Variants in RUVBL2 observed in about 807,000 individuals in gnomAD.
The protein encoded by RUVBL2 is ruvB-like 2.
A neutral mutation model predicts 57.9 loss-of-function variants in RUVBL2; 9 were observed. The observed-to-expected ratio is 0.16, with a 90% CI of 0.09 to 0.27. The LOEUF (loss-of-function observed/expected upper bound fraction) is 0.27. Among genes scored for constraint, RUVBL2 ranks in the 10% least tolerant of loss-of-function variants. The pLI is 1.00. For synonymous variants in RUVBL2, 278 were observed against 264.6 expected, an observed-to-expected ratio of 1.05 and a Z score of -0.49; for missense variants, 456 against 669.6, an observed-to-expected ratio of 0.68 and a Z score of 3.52.
At chr19:49,004,236 GC>G (rs758399086) in intron 3 of RUVBL2, 40 bp from the exon 4 acceptor site, 2 of 1,602,946 alleles carry the variant, frequency 1.2e-6, no homozygotes, top group Non-Finnish European at 1.7e-6. Flanking sequence ...TGCCATGGTA[GC>G]CCCACAGGAA....
Position 48,999,382 on chromosome 19 carries a change from G to A in RUVBL2, c.67+9G>A, listed in dbSNP as rs1014288891. 6.2e-7 allele frequency: 1 copy of A among 1,614,222 alleles called. No individual in the cohort carries two copies. The highest frequency in any genetic ancestry group is 1.6e-4 in the Middle Eastern group (1 of 6,062). ...AAGGATTGAGCGAATCGGTGAGTGA[G>A]TTGGGTCAGGAATAGGACCTAAGCC... On this transcript the variant is annotated intron_variant, in intron 2 of 14. Transcript: ENST00000595090.
At position 49,007,477 on chromosome 19, in the gene RUVBL2, T is replaced by C; in HGVS notation, c.462+109T>C. The C allele has an allele frequency of 3.0e-6, 3 of 991,110 alleles. No homozygotes were observed. The South Asian group carries it at 4.9e-5, about 16-fold the overall frequency. The allele number at this position is 991,110 out of a possible 1,614,324, so 61.4% of individuals were successfully genotyped here. ...TCAGAATCCCATGGAATGTTCTAGC[T>C]GCAGACTAGAGCCATGTACATGCCT... is the stretch of plus-strand genomic sequence containing the variant. On this transcript the variant is annotated intron_variant, in intron 6 of 14. Coordinates refer to ENST00000595090, the MANE Select transcript of RUVBL2 (RefSeq NM_006666.3).
At position 49,011,251 on chromosome 19, in the gene RUVBL2, G is replaced by A; in HGVS notation, c.942G>A (p.Arg314=). 1.2e-6 allele frequency: 2 copies of A among 1,613,938 alleles called. No individual in the cohort carries two copies. Among genetic ancestry groups the A allele is most frequent in the Non-Finnish European group, 1.7e-6 (2 of 1,180,030 alleles). ...TCGAGAGCTTCTCCTTCCTCAACCG[G>A]GCCCTGGAGAGTGACATGGCGCCTG... ...LDIESFSFLN[R]ALESDMAPVL... Residue 314 remains arginine, a synonymous_variant, in exon 11 of 15, where the codon CGG becomes CGA. Transcript: ENST00000595090. This position sits in a 1 kb window ranked among gnomAD's most constrained non-coding sequence, Gnocchi z 4.4.
chr19:48,997,351 C>T (rs747148153), intron 1 of RUVBL2, among the ~76,000 whole-genome samples: 7 of 152,064 alleles, frequency 4.6e-5, no homozygotes, highest in Non-Finnish European at 4.4e-5. Context: ...TGGCCGGGCG[C>T]GGTGGCTCAC....
chr19:49,010,818 C>T (rs1170862144), intron 9 of RUVBL2, among the ~76,000 whole-genome samples, 181 bp from the exon 10 acceptor site: 2 of 152,192 alleles, frequency 1.3e-5, no homozygotes, highest in Non-Finnish European at 2.9e-5. Context: ...GCCCTGCCCT[C>T]TCCCCTCCTG....
chr19:49,004,318 G>T lies in RUVBL2; in HGVS notation c.165G>T (p.Ala55=), dbSNP rs748186898. 2 of 1,610,786 alleles carry T rather than the reference G, an allele frequency of 1.2e-6. No individual in the cohort carries two copies. The highest frequency in any genetic ancestry group is 8.5e-7 in the Non-Finnish European group (1 of 1,179,732). Residue 55 remains alanine, a synonymous_variant, in exon 4 of 15, where the codon GCG becomes GCT. Coordinates refer to ENST00000595090, the MANE Select transcript of RUVBL2 (RefSeq NM_006666.3). ...GMVGQLAARR[A]AGVVLEMIRE... is the part of the protein sequence containing the mutation. ...TGGGTCAGCTGGCGGCACGGCGGGC[G>T]GCTGGCGTGGTGCTGGAGATGATCC... is the stretch of plus-strand genomic sequence containing the variant.
intron 4 of RUVBL2, 76 bp downstream of exon 4, chr19:49,004,494 G>A: frequency 6.9e-7 from 1 of 1,448,678 alleles, no homozygotes; most frequent in Non-Finnish European, 9.4e-7. Context: ...GGGTCAGGAT[G>A]AGCCGCCTTT....
At chr19:49,006,883 G>T in intron 4 of RUVBL2, 135 bp from the exon 5 acceptor site, 2 of 1,180,724 alleles carry the variant, frequency 1.7e-6, no homozygotes, top group Admixed American at 2.3e-5. Flanking sequence ...TGCTCAGCTC[G>T]GAGCCAAGTC....
At chr19:48,995,875 T>TA (rs2122567304) in intron 1 of RUVBL2, among the ~76,000 whole-genome samples, 1 of 151,386 alleles carries the variant, frequency 6.6e-6, no homozygotes, top group East Asian at 2.0e-4. Flanking sequence ...TAGTCCCAAC[T>TA]ACTCTGGAGG....
intron 6 of RUVBL2, among the ~76,000 whole-genome samples, chr19:49,007,900 G>C (rs1317910142): frequency 6.6e-6 from 1 of 151,896 alleles, no homozygotes; most frequent in Admixed American, 6.6e-5. Flanking sequence ...GTAGAGACGG[G>C]GTTTCACCAT....
intron 8 of RUVBL2, 76 bp downstream of exon 8, chr19:49,010,142 C>A: frequency 3.8e-6 from 5 of 1,317,134 alleles, no homozygotes; most frequent in Non-Finnish European, 5.4e-6. Flanking sequence ...CCCCTTGACC[C>A]ATGGGGTCTG....
In RUVBL2 at chr19:49,015,940, T is replaced by C. The variant is rs903471820; in HGVS notation, c.*98T>C. The C allele has an allele frequency of 1.9e-6, 3 of 1,613,768 alleles. No individual in the cohort carries two copies. The highest frequency in any genetic ancestry group is 2.7e-5 in the African/African-American group (2 of 74,928). On this transcript the variant is annotated 3_prime_UTR_variant, in exon 15 of 15. Transcript: ENST00000595090. Reference sequence around the variant, plus strand: ...TGGGAAGCTGCACCCACCCTGTGTATGTGTGGTTGCCCTGAGCCCACAGAA... The same window carrying C: ...TGGGAAGCTGCACCCACCCTGTGTACGTGTGGTTGCCCTGAGCCCACAGAA...
chr19:48,998,887 G>T (rs527337325), intron 1 of RUVBL2, among the ~76,000 whole-genome samples: 58 of 151,456 alleles, frequency 3.8e-4, no homozygotes, highest in African/African-American at 1.4e-3. Flanking sequence ...AATTAGCCGG[G>T]TGTGTTGATG....
chr19:48,999,082 G>A (rs1020232654), intron 1 of RUVBL2, among the ~76,000 whole-genome samples: 7 of 152,074 alleles, frequency 4.6e-5, no homozygotes, highest in Non-Finnish European at 8.8e-5. Flanking sequence ...AACCAAATAT[G>A]TGCTGGACCC....
At chr19:49,014,309 T>G (rs1700690905) in intron 11 of RUVBL2, among the ~76,000 whole-genome samples, 175 bp from the exon 12 acceptor site, 1 of 152,158 alleles carries the variant, frequency 6.6e-6, no homozygotes, top group Admixed American at 6.5e-5. Flanking sequence ...CTGACGCAGC[T>G]GTGGAAGGCT....
rs996041703 is a variant in RUVBL2 at position 49,011,846 on chromosome 19, T to A, written c.1001+536T>A. Among the ~76,000 whole-genome samples, 1 of 119,620 alleles carries A rather than the reference T, an allele frequency of 8.4e-6. No individual in the cohort carries two copies. The highest frequency in any genetic ancestry group is 2.6e-5 in the African/African-American group (1 of 38,966). 78.5% of individuals were successfully genotyped at this position (119,620 alleles called of 152,430 possible). A position where few individuals can be genotyped will look rare whatever the true frequency, so the allele number is the denominator to read the frequency against. ...CACGGGGAACTCTTAATGTTGTGTT[T>A]GGCCTGAGGATGCCGGGGACAGATT... On this transcript the variant is annotated intron_variant, in intron 11 of 14. Coordinates refer to ENST00000595090, the MANE Select transcript of RUVBL2 (RefSeq NM_006666.3). This position sits in a 1 kb window ranked among gnomAD's most constrained non-coding sequence, Gnocchi z 4.4.
intron 6 of RUVBL2, 67 bp downstream of exon 6, chr19:49,007,435 T>C (rs1032774841): frequency 5.5e-6 from 8 of 1,444,786 alleles, no homozygotes; most frequent in African/African-American, 1.4e-5. Flanking sequence ...AGAGTAGATA[T>C]CAGGTCTGCA....
At chr19:49,010,643 C>G in intron 9 of RUVBL2, 32 bp downstream of exon 9, 1 of 1,611,828 alleles carries the variant, frequency 6.2e-7, no homozygotes, top group South Asian at 1.1e-5. Flanking sequence ...CCTGCCCTGC[C>G]CTGCCCCAGG....
chr19:49,010,467 T>TGCGCG, intron 8 of RUVBL2, 21 bp from the exon 9 acceptor site: 1 of 1,401,206 alleles, frequency 7.1e-7, no homozygotes, highest in Non-Finnish European at 9.9e-7. Flanking sequence ...CCGCCGTTCT[T>TGCGCG]CCCCCACCCC....
Sources: gnomAD v4.1 joint callset for allele counts (sites outside exome capture counted in the v4.1 genomes callset) on GRCh38, gnomAD v4.1.1 for gene constraint, Gnocchi (gnomAD v3.1) non-coding constraint, MANE v1.5 for transcripts, NCBI Gene and HGNC (gene_info 2026-07-23, HGNC 2026-07-21) for gene names.